MYO5A: variants seen among roughly 807,000 people sequenced by gnomAD.
The protein encoded by MYO5A is myosin VA.
MYO5A carries 98 observed loss-of-function variants against 249.7 expected under a neutral mutation model. The observed-to-expected ratio is 0.39, with a 90% CI of 0.33 to 0.46. The LOEUF is 0.46. Among genes scored for constraint, MYO5A ranks in the 20% least tolerant of loss-of-function variants. The pLI is 0.98. For missense variants in MYO5A, 1,696 were observed against 2,308.8 expected (o/e 0.73, Z 5.44); for synonymous variants, 778 against 810.6 (o/e 0.96, Z 0.68).
intron 1 of MYO5A, among the ~76,000 whole-genome samples, chr15:52,462,029 C>A (rs1489604466): frequency 6.7e-6 from 1 of 149,036 alleles, no homozygotes; most frequent in Non-Finnish European, 1.5e-5. Context: ...TTTGGGAGGC[C>A]GAGGTGGGCG....
intron 29 of MYO5A, among the ~76,000 whole-genome samples, chr15:52,346,966 G>C (rs920827309): frequency 6.6e-6 from 1 of 151,784 alleles, no homozygotes; most frequent in Non-Finnish European, 1.5e-5. Context: ...AGAAAAAGAA[G>C]GTAGTATTCA....
intron 14 of MYO5A, 151 bp downstream of exon 14, chr15:52,387,678 T>G (rs1259620665): frequency 3.2e-6 from 2 of 631,644 alleles, no homozygotes; most frequent in African/African-American, 3.7e-5. Context: ...GGACCTGACA[T>G]GCAGCTAAAT....
chr15:52,417,365 C>T (rs1449220250), intron 4 of MYO5A, among the ~76,000 whole-genome samples: 1 of 152,178 alleles, frequency 6.6e-6, no homozygotes, highest in Non-Finnish European at 1.5e-5. Context: ...AGTTACAAAA[C>T]CATTTAAAAT....
At chr15:52,397,093 T>G in intron 10 of MYO5A, 108 bp downstream of exon 10, 2 of 1,342,570 alleles carry the variant, frequency 1.5e-6, no homozygotes, top group South Asian at 1.2e-5. Context: ...AGGCAAAGTT[T>G]CCCTTCTCTT....
At chr15:52,493,175 C>T (rs954718722) in intron 1 of MYO5A, among the ~76,000 whole-genome samples, 3 of 151,980 alleles carry the variant, frequency 2.0e-5, no homozygotes, top group Admixed American at 6.6e-5. Flanking sequence ...ATCTCAGAGC[C>T]GGAAGTTTGA....
Position 52,479,730 on chromosome 15 carries a change from T to C in MYO5A, c.28-46445A>G, listed in dbSNP as rs536096463. Among the ~76,000 whole-genome samples, 253 of 152,366 alleles carry C rather than the reference T, an allele frequency of 1.7e-3. 13 individuals carry two copies. The South Asian group carries it at 0.049, about 30-fold the overall frequency. ...ATCCATATAATACAGTAGCTTGGAA[T>C]TCACAGATTATCATTTGTGGTTTCC... On this transcript the variant is annotated intron_variant, in intron 1 of 41. Coordinates refer to ENST00000399233, the MANE Select transcript of MYO5A (RefSeq NM_001382347.1).
intron 20 of MYO5A, among the ~76,000 whole-genome samples, chr15:52,374,507 G>A (rs2041297349): frequency 6.6e-6 from 1 of 152,208 alleles, no homozygotes; most frequent in African/African-American, 2.4e-5. Flanking sequence ...TTAGGTTAAG[G>A]GTCTTCAGAT....
Position 52,343,197 on chromosome 15 carries a change from TC to T in MYO5A, c.3960-1del, listed in dbSNP as rs1320044013. 6 of 1,612,986 alleles carry T rather than the reference TC, an allele frequency of 3.7e-6. No homozygotes were observed. Among genetic ancestry groups the T allele is most frequent in the African/African-American group, 1.3e-5 (1 of 74,916 alleles). Reference sequence around the variant, plus strand: ...ACTCATGGTAATCCAGAGCAGATGATCTTCCATGCAAAAGGAACAACAATGC... The same window carrying T: ...ACTCATGGTAATCCAGAGCAGATGATTTCCATGCAAAAGGAACAACAATGC... On this transcript the variant is annotated splice_acceptor_variant, in intron 30 of 41. Transcript: ENST00000399233. LOFTEE classifies it high-confidence loss of function.
chr15:52,426,424 C>T (rs2075395609), intron 3 of MYO5A, among the ~76,000 whole-genome samples: 1 of 151,192 alleles, frequency 6.6e-6, no homozygotes, highest in African/African-American at 2.4e-5. Flanking sequence ...CATTCTGTTA[C>T]ATCCATATGA....
At chr15:52,431,303 C>T (rs116005945) in intron 2 of MYO5A, among the ~76,000 whole-genome samples, 1,701 of 143,788 alleles carry the variant, frequency 0.012, 37 homozygotes, top group African/African-American at 0.042. Context: ...CGAGGTAAAA[C>T]GACTTCTTGA....
chr15:52,326,275 G>A (rs982266713), intron 36 of MYO5A, among the ~76,000 whole-genome samples: 1 of 152,192 alleles, frequency 6.6e-6, no homozygotes, highest in African/African-American at 2.4e-5. Flanking sequence ...CAATTATTAT[G>A]AGAGAAAGAA....
At chr15:52,361,251 T>A (rs987527144) in intron 24 of MYO5A, among the ~76,000 whole-genome samples, 2 of 152,192 alleles carry the variant, frequency 1.3e-5, no homozygotes, top group South Asian at 4.1e-4. Context: ...GCACTCTTGC[T>A]TAAAGTTTCC....
At chr15:52,488,115 A>G (rs1382777021) in intron 1 of MYO5A, among the ~76,000 whole-genome samples, 1 of 152,182 alleles carries the variant, frequency 6.6e-6, no homozygotes, top group African/African-American at 2.4e-5. Flanking sequence ...CTAGGGTGAA[A>G]AAAAAACCCA....
In MYO5A at chr15:52,433,261, G is replaced by A; in HGVS notation, c.52C>T (p.Pro18Ser). Residue 18 changes from proline to serine, a missense_variant, in exon 2 of 42, where the codon CCA (proline) becomes TCA (serine). By Grantham distance (74) the Pro-to-Ser change is moderately conservative. Transcript: ENST00000399233. The part of the protein sequence containing the change: ...TKFARVWIPD[P>S]EEVWKSAELL... The stretch of plus-strand genomic sequence containing the variant: ...TCTGCTGACTTCCAGACTTCCTCTG[G>A]ATCAGGTATCCAAACCCTGGCAAAC... 1 of 1,613,472 alleles carries A rather than the reference G, an allele frequency of 6.2e-7. No individual in the cohort carries two copies. The highest frequency in any genetic ancestry group is 1.1e-5 in the South Asian group (1 of 91,036).
At chr15:52,363,091 A>T (rs757933712) in intron 24 of MYO5A, among the ~76,000 whole-genome samples, 1 of 152,228 alleles carries the variant, frequency 6.6e-6, no homozygotes, top group Non-Finnish European at 1.5e-5. Flanking sequence ...AGAAACACCT[A>T]CTGGGTTATA....
chr15:52,445,155 G>A lies in MYO5A; in HGVS notation c.28-11870C>T, dbSNP rs2075862286. Among the ~76,000 whole-genome samples the A allele has an allele frequency of 2.0e-5, 3 of 152,190 alleles. No homozygotes were observed. In the South Asian group the frequency reaches 6.2e-4, roughly 31 times the overall value. ...CAATGCTGGAGGTGAGGCCTGGTGG[G>A]AGGTATTTGAATCATGTGGGCAGAT... On this transcript the variant is annotated intron_variant, in intron 1 of 41. Coordinates refer to ENST00000399233, the MANE Select transcript of MYO5A (RefSeq NM_001382347.1).
chr15:52,499,711 C>T (rs2077114546), intron 1 of MYO5A, among the ~76,000 whole-genome samples: 1 of 152,168 alleles, frequency 6.6e-6, no homozygotes, highest in Non-Finnish European at 1.5e-5. Context: ...AAATACACGA[C>T]ATTTTGTTTA....
intron 38 of MYO5A, among the ~76,000 whole-genome samples, chr15:52,320,905 C>T (rs112978196): frequency 0.036 from 5,517 of 151,814 alleles, 339 homozygotes; most frequent in African/African-American, 0.13. Context: ...CCCAGCTACA[C>T]GGGAGGCTGA....
chr15:52,315,462 C>T (rs1386063246), intron 40 of MYO5A, among the ~76,000 whole-genome samples: 3 of 152,012 alleles, frequency 2.0e-5, no homozygotes, highest in East Asian at 1.9e-4. Flanking sequence ...GCCACTTCTG[C>T]CTCCCAGGTT....
Sources: gnomAD v4.1 joint callset for allele counts (sites outside exome capture counted in the v4.1 genomes callset) on GRCh38, gnomAD v4.1.1 for gene constraint, MANE v1.5 for transcripts, NCBI Gene and HGNC (gene_info 2026-07-23, HGNC 2026-07-21) for gene names.